SLC44A5: variants seen among roughly 807,000 people sequenced by gnomAD.
The protein encoded by SLC44A5 is choline transporter-like protein 5.
Under a neutral mutation model 101.8 loss-of-function variants are expected in SLC44A5, and 57 were observed. The observed-to-expected ratio is 0.56, with a 90% CI of 0.45 to 0.70. The LOEUF (loss-of-function observed/expected upper bound fraction) is 0.70, where lower values mean the gene tolerates loss of function less well. Ranked by LOEUF, SLC44A5 falls within the 30% of genes least tolerant of loss-of-function variation. The pLI is 0.00. For missense variants in SLC44A5, 737 were observed against 853.1 expected (o/e 0.86, Z 1.70); for synonymous variants, 281 against 290.9 (o/e 0.97, Z 0.35).
Position 75,573,658 on chromosome 1 carries a change from G to A in SLC44A5, c.-69-32142C>T, listed in dbSNP as rs144677293. On this transcript the variant is annotated intron_variant, in intron 1 of 23. Transcript: ENST00000370859. ...GTGACAATGATTATACACAGGGAGC[G>A]TAACCCAACCCCATATAAGCTCTAT... 1.8e-3 allele frequency among the ~76,000 whole-genome samples: 277 copies of A among 152,194 alleles called. 3 individuals carry two copies. The highest frequency in any genetic ancestry group is 0.01 in the Admixed American group (156 of 15,276).
intron 2 of SLC44A5, among the ~76,000 whole-genome samples, chr1:75,410,701 G>A (rs979363264): frequency 1.3e-5 from 2 of 152,076 alleles, no homozygotes; most frequent in East Asian, 1.9e-4. Flanking sequence ...GCTTCAAAAC[G>A]GTTCTCAACA....
the SLC44A5 span, among the ~76,000 whole-genome samples, chr1:75,655,639 CAG>C: frequency 1.3e-5 from 2 of 152,102 alleles, no homozygotes; most frequent in African/African-American, 4.8e-5. Context: ...CAATGCAGCA[CAG>C]AGAGACACTC....
chr1:75,239,739 C>A (rs1462390091), intron 9 of SLC44A5, among the ~76,000 whole-genome samples: 1 of 152,018 alleles, frequency 6.6e-6, no homozygotes, highest in Non-Finnish European at 1.5e-5. Context: ...CCCAGTGATC[C>A]CAATGACCTC....
intron 1 of SLC44A5, among the ~76,000 whole-genome samples, chr1:75,601,284 C>G (rs1486948813): frequency 6.8e-6 from 1 of 146,260 alleles, no homozygotes; most frequent in Non-Finnish European, 1.5e-5. Context: ...AACAAAAAAA[C>G]AAACACCGCA....
chr1:75,437,006 A>C (rs1396211139), intron 2 of SLC44A5, among the ~76,000 whole-genome samples: 1 of 152,142 alleles, frequency 6.6e-6, no homozygotes, highest in Non-Finnish European at 1.5e-5. Flanking sequence ...GCAATAACAC[A>C]CATGGAGCTG....
chr1:75,279,565 A>C (rs550612298), intron 5 of SLC44A5, among the ~76,000 whole-genome samples: 14 of 152,268 alleles, frequency 9.2e-5, no homozygotes, highest in African/African-American at 3.4e-4. Flanking sequence ...GCCAAGTTTG[A>C]GTGTAGTTTA....
At chr1:75,466,360 TAGAA>T (rs1343693830) in intron 2 of SLC44A5, among the ~76,000 whole-genome samples, 2 of 151,934 alleles carry the variant, frequency 1.3e-5, no homozygotes, top group Non-Finnish European at 2.9e-5. Flanking sequence ...CAACTAGAAA[TAGAA>T]AGAACACACT....
the SLC44A5 span, among the ~76,000 whole-genome samples, chr1:75,719,934 T>C: frequency 2.0e-5 from 3 of 152,156 alleles, no homozygotes; most frequent in East Asian, 1.9e-4. Flanking sequence ...CATGAATTAG[T>C]GGAATGTGGA....
chr1:75,416,883 C>T (rs1214519867), intron 2 of SLC44A5, among the ~76,000 whole-genome samples: 2 of 152,156 alleles, frequency 1.3e-5, no homozygotes, highest in Non-Finnish European at 1.5e-5. Flanking sequence ...TTATCCAATG[C>T]CTGTACCCCC....
At chr1:75,393,799 A>G (rs1160511272) in intron 3 of SLC44A5, among the ~76,000 whole-genome samples, 3 of 152,202 alleles carry the variant, frequency 2.0e-5, no homozygotes, top group African/African-American at 7.2e-5. Context: ...GCAGATAAAA[A>G]TGAGTTAGGA....
chr1:75,615,966 G>T, upstream of SLC44A5: 1 of 827,862 alleles, frequency 1.2e-6, no homozygotes, highest in Non-Finnish European at 1.5e-6. Context: ...CCCTCGCCGC[G>T]GCTCTCAGCT....
At chr1:75,607,854 T>C (rs556634759) in intron 1 of SLC44A5, among the ~76,000 whole-genome samples, 289 of 152,166 alleles carry the variant, frequency 1.9e-3, no homozygotes, top group African/African-American at 6.7e-3. Context: ...CTCTTTCCTT[T>C]ATAAGTTACC....
At chr1:75,661,880 G>T in the SLC44A5 span, among the ~76,000 whole-genome samples, 1 of 151,988 alleles carries the variant, frequency 6.6e-6, no homozygotes, top group Non-Finnish European at 1.5e-5. Flanking sequence ...GAAGGGGAAT[G>T]CTCGTGCATG....
chr1:75,550,387 G>A (rs575109565), intron 1 of SLC44A5, among the ~76,000 whole-genome samples: 275 of 152,158 alleles, frequency 1.8e-3, no homozygotes, highest in African/African-American at 6.1e-3. Context: ...CCAGGGGCTG[G>A]AGGATGGGCA....
chr1:75,340,284 C>CT (rs1390446417), intron 3 of SLC44A5, among the ~76,000 whole-genome samples: 2 of 152,214 alleles, frequency 1.3e-5, no homozygotes, highest in East Asian at 3.9e-4. Flanking sequence ...TATGGAATGG[C>CT]TTTTTTCTCC....
intron 2 of SLC44A5, among the ~76,000 whole-genome samples, chr1:75,424,437 T>G (rs1372874106): frequency 6.6e-6 from 1 of 152,076 alleles, no homozygotes; most frequent in Admixed American, 6.6e-5. Flanking sequence ...TCCCAAGTAG[T>G]TGGGACTACA....
intron 2 of SLC44A5, among the ~76,000 whole-genome samples, chr1:75,520,692 C>T (rs534595155): frequency 1.3e-5 from 2 of 152,008 alleles, no homozygotes; most frequent in East Asian, 1.9e-4. Context: ...CTGAAAGACT[C>T]GCAAAATGAA....
chr1:75,719,829 A>G, the SLC44A5 span, among the ~76,000 whole-genome samples: 1 of 152,184 alleles, frequency 6.6e-6, no homozygotes, highest in Non-Finnish European at 1.5e-5. Flanking sequence ...TTGAAATCCC[A>G]AGGAGTATGT....
At chr1:75,577,898 T>C in intron 1 of SLC44A5, among the ~76,000 whole-genome samples, 1 of 152,206 alleles carries the variant, frequency 6.6e-6, no homozygotes, top group East Asian at 1.9e-4. Flanking sequence ...CTCAGGATAT[T>C]CATTTATGTA....
Sources: gnomAD v4.1 joint callset for allele counts (sites outside exome capture counted in the v4.1 genomes callset) on GRCh38, gnomAD v4.1.1 for gene constraint, MANE v1.5 for transcripts, NCBI Gene and HGNC (gene_info 2026-07-23, HGNC 2026-07-21) for gene names.